Variants in NTM observed in about 807,000 individuals in gnomAD.
NTM encodes neurotrimin, also known as IgLON family member 2.
A neutral mutation model predicts 42.1 loss-of-function variants in NTM; 13 were observed. The observed-to-expected ratio is 0.31, with a 90% CI of 0.20 to 0.49. The LOEUF (loss-of-function observed/expected upper bound fraction) is 0.49, where lower values mean the gene tolerates loss of function less well. NTM is among the 20% of genes least tolerant of loss of function. The pLI is 0.99. For missense variants in NTM, 373 were observed against 452.8 expected (o/e 0.82, Z 1.60); for synonymous variants, 187 against 179.2 (o/e 1.04, Z -0.35).
At chr11:131,572,306 T>C (rs2057519209) in intron 1 of NTM, among the ~76,000 whole-genome samples, 1 of 152,106 alleles carries the variant, frequency 6.6e-6, no homozygotes, top group Admixed American at 6.6e-5. Flanking sequence ...AAGATTCCCA[T>C]CCCAGAACCC....
intron 4 of NTM, among the ~76,000 whole-genome samples, chr11:132,262,306 C>T (rs1396725596): frequency 6.6e-6 from 1 of 152,242 alleles, no homozygotes; most frequent in African/African-American, 2.4e-5. Flanking sequence ...CTCAGGTTCC[C>T]AGGATTTCTG....
At chr11:131,507,546 T>C (rs1448485755) in intron 1 of NTM, among the ~76,000 whole-genome samples, 2 of 152,076 alleles carry the variant, frequency 1.3e-5, no homozygotes. Flanking sequence ...GCGGGCTCTT[T>C]TTTGGTTCCG....
At chr11:131,796,282 C>A in intron 1 of NTM, 1 of 582,236 alleles carries the variant, frequency 1.7e-6, no homozygotes. Flanking sequence ...AGGCTGCTGC[C>A]TGCCTGGCTG....
chr11:132,304,046 T>C (rs2094975715), intron 4 of NTM, among the ~76,000 whole-genome samples: 1 of 152,174 alleles, frequency 6.6e-6, no homozygotes. Context: ...TTTTGCCTCT[T>C]AGGACGATGA....
intron 1 of NTM, among the ~76,000 whole-genome samples, chr11:131,738,052 T>A (rs1330942061): frequency 6.6e-6 from 1 of 152,196 alleles, no homozygotes; most frequent in East Asian, 1.9e-4. Flanking sequence ...GTGGCTTTTT[T>A]CCCTCTCCGA....
chr11:131,781,475 A>T (rs926814613), intron 1 of NTM, among the ~76,000 whole-genome samples: 2 of 152,186 alleles, frequency 1.3e-5, no homozygotes, highest in Non-Finnish European at 2.9e-5. Flanking sequence ...GAACATGATA[A>T]TATATGAACT....
chr11:131,498,141 T>G (rs1591834371), intron 1 of NTM, among the ~76,000 whole-genome samples: 2 of 152,288 alleles, frequency 1.3e-5, no homozygotes, highest in African/African-American at 4.8e-5. Flanking sequence ...TTTGCCTGAC[T>G]GCTATTTTCA....
At chr11:131,475,604 A>G (rs1007338878) in intron 1 of NTM, among the ~76,000 whole-genome samples, 1 of 152,180 alleles carries the variant, frequency 6.6e-6, no homozygotes, top group Admixed American at 6.5e-5. Context: ...GTAAGTTAGG[A>G]TTCAAGTTAA....
chr11:131,389,153 C>A (rs1943706087), intron 1 of NTM, among the ~76,000 whole-genome samples: 1 of 152,156 alleles, frequency 6.6e-6, no homozygotes, highest in Admixed American at 6.5e-5. Flanking sequence ...TTCACATGAC[C>A]CTGAGTGAGA....
intron 3 of NTM, among the ~76,000 whole-genome samples, chr11:132,158,461 C>T (rs2073657653): frequency 6.6e-6 from 1 of 152,220 alleles, no homozygotes; most frequent in Non-Finnish European, 1.5e-5. Flanking sequence ...TAAAGTAACT[C>T]ACCTATTGGC....
At chr11:131,443,825 G>C (rs942437489) in intron 1 of NTM, among the ~76,000 whole-genome samples, 1 of 152,172 alleles carries the variant, frequency 6.6e-6, no homozygotes, top group South Asian at 2.1e-4. Context: ...ACTGTGCAGA[G>C]ACCCACCCAC....
intron 1 of NTM, 137 bp from the exon 2 acceptor site, chr11:131,911,427 C>T (rs889675275): frequency 1.1e-5 from 17 of 1,610,872 alleles, no homozygotes; most frequent in East Asian, 2.2e-5. Flanking sequence ...TGTGCTCGCC[C>T]GGGGGGCGTG....
intron 3 of NTM, among the ~76,000 whole-genome samples, chr11:132,174,275 C>A (rs1592011834): frequency 2.6e-5 from 4 of 152,152 alleles, no homozygotes; most frequent in Non-Finnish European, 4.4e-5. Flanking sequence ...CTGTCATCTG[C>A]AAAATAGACT....
intron 1 of NTM, among the ~76,000 whole-genome samples, chr11:131,669,136 C>T (rs1474168052): frequency 6.6e-6 from 1 of 151,964 alleles, no homozygotes; most frequent in African/African-American, 2.4e-5. Flanking sequence ...CTCTAGTCAT[C>T]CAGATCCAGA....
At chr11:131,734,138 C>T (rs554331698) in intron 1 of NTM, among the ~76,000 whole-genome samples, 3 of 152,258 alleles carry the variant, frequency 2.0e-5, no homozygotes, top group African/African-American at 7.2e-5. Flanking sequence ...CAAGAGAAGA[C>T]AGGGGACAAG....
intron 2 of NTM, among the ~76,000 whole-genome samples, chr11:131,926,816 C>T (rs938216152): frequency 1.3e-5 from 2 of 152,268 alleles, no homozygotes; most frequent in East Asian, 1.9e-4. Flanking sequence ...CACATCCAGC[C>T]GCGAGGATCC....
At chr11:132,088,896 G>A (rs2060060745) in intron 2 of NTM, among the ~76,000 whole-genome samples, 2 of 126,480 alleles carry the variant, frequency 1.6e-5, no homozygotes, top group African/African-American at 6.8e-5. Context: ...AAGAAAAATG[G>A]GTCCCCTTTA....
intron 1 of NTM, among the ~76,000 whole-genome samples, chr11:131,418,276 A>G (rs917006406): frequency 6.6e-6 from 1 of 152,238 alleles, no homozygotes. Context: ...TAGAGGACTC[A>G]TAGAAACCAA....
At chr11:131,682,842 C>T (rs558014743) in intron 1 of NTM, among the ~76,000 whole-genome samples, 5 of 152,096 alleles carry the variant, frequency 3.3e-5, no homozygotes, top group African/African-American at 4.8e-5. Flanking sequence ...TACTGGATCA[C>T]GGTGGCAGCC....
Sources: gnomAD v4.1 joint callset for allele counts (sites outside exome capture counted in the v4.1 genomes callset) on GRCh38, gnomAD v4.1.1 for gene constraint, MANE v1.5 for transcripts, NCBI Gene and HGNC (gene_info 2026-07-23, HGNC 2026-07-21) for gene names.